Variants in RNF169 observed in about 807,000 individuals in gnomAD.
RNF169 encodes ring finger protein 169, also known as E3 ubiquitin-protein ligase RNF169.
Under a neutral mutation model 53.9 loss-of-function variants are expected in RNF169, and 24 were observed. The ratio of observed to expected loss-of-function variants is 0.45; its 90% CI spans 0.32 to 0.63. RNF169 has a LOEUF of 0.63. Ranked by LOEUF, RNF169 falls within the 20% of genes least tolerant of loss-of-function variation. RNF169 has a pLI of 0.04. For synonymous variants in RNF169, 396 were observed against 363.5 expected (o/e 1.09, Z -1.02); for missense variants, 883 against 906.2 (o/e 0.97, Z 0.33).
chr11:74,775,720 GT>G (rs1366868808), intron 1 of RNF169, among the ~76,000 whole-genome samples: 1 of 152,064 alleles, frequency 6.6e-6, no homozygotes, highest in African/African-American at 2.4e-5. Context: ...TCGGTAAAAT[GT>G]TTTCTCACTC....
At chr11:74,810,638 A>C (rs1235722412) in intron 3 of RNF169, among the ~76,000 whole-genome samples, 1 of 152,220 alleles carries the variant, frequency 6.6e-6, no homozygotes, top group Admixed American at 6.5e-5. Flanking sequence ...CTTATGTGTT[A>C]TTTGACATTT....
intron 1 of RNF169, among the ~76,000 whole-genome samples, chr11:74,776,209 T>A (rs2035330949): frequency 6.6e-6 from 1 of 152,174 alleles, no homozygotes; most frequent in Non-Finnish European, 1.5e-5. Flanking sequence ...ACAACTAAAT[T>A]TTTAAGCCCA....
At chr11:74,763,460 C>A in intron 1 of RNF169, among the ~76,000 whole-genome samples, 1 of 152,094 alleles carries the variant, frequency 6.6e-6, no homozygotes, top group Non-Finnish European at 1.5e-5. Context: ...TGGCTAAAGA[C>A]TTTAAAGAAT....
Position 74,836,621 on chromosome 11 carries a change from C to G in RNF169, c.2018C>G (p.Ala673Gly). The G allele has an allele frequency of 6.2e-7, 1 of 1,614,086 alleles. No individual in the cohort carries two copies. The highest frequency in any genetic ancestry group is 1.1e-5 in the South Asian group (1 of 91,074). ...CAAGAGGAAGAAGACCGACAGTTGG[C>G]TCTGCAGTTGCAGCGCATGTTCGAC... ...LQQEEEDRQLALQLQRMFDNE... is the reference protein window; with the variant it reads ...LQQEEEDRQLGLQLQRMFDNE... The change falls in exon 6 of 6, where the codon GCT (alanine) becomes GGT (glycine). Residue 673 changes from alanine (A) to glycine (G), a missense_variant. Transcript: ENST00000299563.
intron 2 of RNF169, among the ~76,000 whole-genome samples, chr11:74,798,196 C>T (rs2035676677): frequency 6.6e-6 from 1 of 152,186 alleles, no homozygotes; most frequent in Non-Finnish European, 1.5e-5. Context: ...GAGAGATAAC[C>T]TTAAACTCTG....
chr11:74,785,323 T>C (rs1296215474), intron 1 of RNF169, among the ~76,000 whole-genome samples: 3 of 145,988 alleles, frequency 2.1e-5, no homozygotes, highest in Non-Finnish European at 4.5e-5. Flanking sequence ...ATGTTATATA[T>C]ATTATATATA....
chr11:74,784,397 A>G (rs2035458658), intron 1 of RNF169, among the ~76,000 whole-genome samples: 1 of 146,444 alleles, frequency 6.8e-6, no homozygotes, highest in African/African-American at 2.8e-5. Flanking sequence ...AAAGGACTCA[A>G]TACGTAGTTG....
At chr11:74,792,685 G>A (rs1591408828) in intron 2 of RNF169, among the ~76,000 whole-genome samples, 1 of 152,168 alleles carries the variant, frequency 6.6e-6, no homozygotes, top group African/African-American at 2.4e-5. Flanking sequence ...ACAGGTGTGA[G>A]CCACCATGCC....
At chr11:74,812,055 A>C (rs951679140) in intron 3 of RNF169, among the ~76,000 whole-genome samples, 3 of 152,018 alleles carry the variant, frequency 2.0e-5, no homozygotes, top group African/African-American at 7.3e-5. Context: ...CCTAGGTCAT[A>C]CCAAGACTAG....
rs1341041903 is a variant in RNF169 at position 74,839,388 on chromosome 11, G to GA, written c.*2663dup. 5 of 152,170 alleles carry GA rather than the reference G, an allele frequency of 3.3e-5. No individual in the cohort carries two copies. Among genetic ancestry groups the GA allele is most frequent in the African/African-American group, 1.2e-4 (5 of 41,440 alleles). 9.4% of individuals were successfully genotyped at this position (152,170 alleles called of 1,614,324 possible). ...CTAAAACCTGAATGCTTTTCTTTCTGAAAAATCTCCCTCTCTCCTTCCATG... is the reference window on the plus strand; with the variant it reads ...CTAAAACCTGAATGCTTTTCTTTCTGAAAAAATCTCCCTCTCTCCTTCCATG... On this transcript the variant is annotated 3_prime_UTR_variant, in exon 6 of 6. Coordinates refer to ENST00000299563, the MANE Select transcript of RNF169 (RefSeq NM_001098638.2).
intron 5 of RNF169, 34 bp from the exon 6 acceptor site, chr11:74,835,512 T>G (rs2036239501): frequency 6.7e-7 from 1 of 1,494,272 alleles, no homozygotes; most frequent in Admixed American, 1.7e-5. Context: ...TATGTATGTG[T>G]GTATGAAGGC....
At chr11:74,826,660 A>G (rs2036101965) in intron 4 of RNF169, among the ~76,000 whole-genome samples, 1 of 152,248 alleles carries the variant, frequency 6.6e-6, no homozygotes, top group African/African-American at 2.4e-5. Context: ...CATAGATGCA[A>G]TAAGGGTATA....
At chr11:74,811,399 AC>A (rs1482036655) in intron 3 of RNF169, among the ~76,000 whole-genome samples, 1 of 151,664 alleles carries the variant, frequency 6.6e-6, no homozygotes, top group Non-Finnish European at 1.5e-5. Context: ...GTGCCACTAT[AC>A]CCAGTTGTAT....
chr11:74,804,231 C>G (rs1196788418), intron 2 of RNF169, among the ~76,000 whole-genome samples: 3 of 152,100 alleles, frequency 2.0e-5, no homozygotes, highest in Admixed American at 6.6e-5. Flanking sequence ...GGAATGGTGT[C>G]CAGTCAAGGG....
chr11:74,824,774 A>AC (rs1488741815), intron 4 of RNF169, among the ~76,000 whole-genome samples: 2 of 152,266 alleles, frequency 1.3e-5, no homozygotes, highest in African/African-American at 4.8e-5. Context: ...TTGTAAAAAA[A>AC]ATGCAATATC....
At chr11:74,752,271 T>G (rs974556983) in intron 1 of RNF169, among the ~76,000 whole-genome samples, 4 of 148,684 alleles carry the variant, frequency 2.7e-5, no homozygotes, top group African/African-American at 9.9e-5. Context: ...AAAGAAGTGA[T>G]TCTCTCTTAC....
At chr11:74,808,286 A>T (rs2035831600) in intron 2 of RNF169, 1 of 152,242 alleles carries the variant, frequency 6.6e-6, no homozygotes, top group Admixed American at 6.5e-5. Context: ...TGTTAACAAC[A>T]TTAAGCACCA....
chr11:74,773,915 TA>T (rs1229918587), intron 1 of RNF169, among the ~76,000 whole-genome samples: 2 of 152,176 alleles, frequency 1.3e-5, no homozygotes, highest in African/African-American at 4.8e-5. Context: ...TAATAAATAT[TA>T]GCTGTTATTA....
chr11:74,812,473 CTTTT>C (rs946743768), intron 3 of RNF169, among the ~76,000 whole-genome samples: 5 of 151,808 alleles, frequency 3.3e-5, no homozygotes, highest in Non-Finnish European at 7.4e-5. Flanking sequence ...TTTTATTTTA[CTTTT>C]TTTATTTTGT....
Sources: allele counts gnomAD v4.1 joint callset (sites outside exome capture counted in the v4.1 genomes callset), GRCh38; gene constraint gnomAD v4.1.1; transcripts MANE v1.5; gene names NCBI Gene and HGNC (gene_info 2026-07-23, HGNC 2026-07-21).